SKOR1: variants seen among roughly 807,000 people sequenced by gnomAD.
SKOR1 encodes LBX1 corepressor 1.
SKOR1 carries 38 observed loss-of-function variants against 72.4 expected under a neutral mutation model. The observed-to-expected ratio is 0.52, with a 90% CI of 0.40 to 0.69. SKOR1 has a LOEUF of 0.69. Ranked by LOEUF, SKOR1 falls within the 30% of genes least tolerant of loss-of-function variation. The pLI is 0.00. For synonymous variants in SKOR1, 642 were observed against 599.4 expected (o/e 1.07, Z -1.04); for missense variants, 1,320 against 1,343.2 (o/e 0.98, Z 0.27).
chr15:67,830,044 A>G, intron 3 of SKOR1, 147 bp from the exon 4 acceptor site: 1 of 768,094 alleles, frequency 1.3e-6, no homozygotes, highest in Non-Finnish European at 2.1e-6. Context: ...CCAAAGCCTC[A>G]GGGCGCGCTC....
In SKOR1 at chr15:67,826,310, G is replaced by A. The variant is rs1196630683; in HGVS notation, c.482G>A (p.Arg161His). The change falls in exon 2 of 9, where the codon CGC becomes CAC. Residue 161 changes from arginine to histidine, a missense_variant. Transcript: ENST00000380035. ...ATGATCACTAAGCGAGAGGCCGAACGCCTGTGCAAGTCGTTCCTGGGCGAG... is the reference window on the plus strand; with the variant it reads ...ATGATCACTAAGCGAGAGGCCGAACACCTGTGCAAGTCGTTCCTGGGCGAG... ...CGMITKREAE[R>H]LCKSFLGEHK... The A allele has an allele frequency of 6.2e-7, 1 of 1,613,492 alleles. No homozygotes were observed. Among genetic ancestry groups the A allele is most frequent in the East Asian group, 2.2e-5 (1 of 44,882 alleles).
In SKOR1 at chr15:67,827,105, G is replaced by A. The variant is rs750922585; in HGVS notation, c.1277G>A (p.Gly426Glu). 4.2e-6 allele frequency: 6 copies of A among 1,440,374 alleles called. No individual in the cohort carries two copies. The Admixed American group carries it at 1.6e-4, about 38-fold the overall frequency. The allele number at this position is 1,440,374 out of a possible 1,614,324, so 89.2% of individuals were successfully genotyped here. A position where few individuals can be genotyped will look rare whatever the true frequency, so the allele number is the denominator to read the frequency against. ...AGEPKGGPGT[G>E]SGGGGAGTGG... The stretch of plus-strand genomic sequence containing the variant: ...GAGCCAAAGGGCGGTCCTGGCACTG[G>A]GAGCGGCGGCGGCGGCGCGGGGACA... The change falls in exon 2 of 9, where the codon GGG becomes GAG. Residue 426 changes from glycine to glutamate, a missense_variant. This residue lies in a region of SKOR1 where 1,099 missense variants were observed against 1,025.5 expected (regional missense o/e 1.07). Transcript: ENST00000380035.
At position 67,833,981 on chromosome 15, in the gene SKOR1, C is replaced by G; in HGVS notation, c.*145C>G. The G allele has an allele frequency of 1.1e-6, 1 of 924,184 alleles. No individual in the cohort carries two copies. The highest frequency in any genetic ancestry group is 1.7e-6 in the Non-Finnish European group (1 of 594,330). 57.2% of individuals were successfully genotyped at this position (924,184 alleles called of 1,614,324 possible). Reference sequence around the variant, plus strand: ...CCCGTCCGCCCGCCTTCCTCCCGGGCTCCCCGGCCTTGCCCGCCCCCTCCC... The same window carrying G: ...CCCGTCCGCCCGCCTTCCTCCCGGGGTCCCCGGCCTTGCCCGCCCCCTCCC... On this transcript the variant is annotated 3_prime_UTR_variant, in exon 9 of 9. Coordinates refer to ENST00000380035, the MANE Select transcript of SKOR1 (RefSeq NM_001365915.1). The surrounding 1 kb of genome is among the most constrained non-coding windows in gnomAD (Gnocchi z 6.0).
At position 67,833,702 on chromosome 15, in the gene SKOR1, G is replaced by T. The variant is rs754960290; in HGVS notation, c.2804-40G>T. The T allele has an allele frequency of 6.9e-6, 11 of 1,600,418 alleles. No homozygotes were observed. The highest frequency in any genetic ancestry group is 4.4e-5 in the South Asian group (4 of 90,806). On this transcript the variant is annotated intron_variant, in intron 8 of 8. Coordinates refer to ENST00000380035, the MANE Select transcript of SKOR1 (RefSeq NM_001365915.1). The surrounding 1 kb of genome is among the most constrained non-coding windows in gnomAD (Gnocchi z 6.0). ...GTGGACTGCGCGGTGAGGTGAGCCT[G>T]GAGAGGCGCCCAGAGTGACCCTCGC... is the stretch of plus-strand genomic sequence containing the variant.
Position 67,826,876 on chromosome 15 carries a change from C to T in SKOR1, c.1048C>T (p.Leu350=). ...ACCCCACCCGCAGCGCGGACTTGGC[C>T]TGGCGACTGGAGCTAGTGGCCCGGC... ...PPPHPQRGLG[L]ATGASGPAGP... The change falls in exon 2 of 9, where the codon CTG becomes TTG. Residue 350 remains leucine, a synonymous_variant. Transcript: ENST00000380035. The T allele has an allele frequency of 1.9e-6, 3 of 1,540,594 alleles. No individual in the cohort carries two copies. Among genetic ancestry groups the T allele is most frequent in the South Asian group, 1.2e-5 (1 of 84,736 alleles).
Position 67,829,608 on chromosome 15 carries a change from G to A in SKOR1, c.2407+339G>A, listed in dbSNP as rs867978001. Among the ~76,000 whole-genome samples the A allele has an allele frequency of 1.3e-5, 2 of 152,348 alleles. 1 individual carries two copies. The highest frequency in any genetic ancestry group is 2.9e-5 in the Non-Finnish European group (2 of 68,030). ...TGTGTTTGGCCGCGGGGTCCCCTTTGGCTAGGCCGGATCGGGGCGGAGGAT... is the reference window on the plus strand; with the variant it reads ...TGTGTTTGGCCGCGGGGTCCCCTTTAGCTAGGCCGGATCGGGGCGGAGGAT... On this transcript the variant is annotated intron_variant, in intron 3 of 8. Transcript: ENST00000380035.
At position 67,833,770 on chromosome 15, in the gene SKOR1, C is replaced by G; in HGVS notation, c.2832C>G (p.Ser944=). 6.2e-7 allele frequency: 1 copy of G among 1,613,564 alleles called. No homozygotes were observed. The change falls in exon 9 of 9, where the codon TCC becomes TCG. Residue 944 remains serine (S), a synonymous_variant. Transcript: ENST00000380035. This position sits in a 1 kb window ranked among gnomAD's most constrained non-coding sequence, Gnocchi z 6.0. ...KEAHDALHHF[S]CKMLTPRHCT... ...CCCACGACGCCCTGCACCATTTCTC[C>G]TGCAAGATGCTGACGCCCCGCCACT...
chr15:67,830,800 C>T lies in SKOR1; in HGVS notation c.2516-18C>T, dbSNP rs764100091. On this transcript the variant is annotated intron_variant, in intron 4 of 8. Transcript: ENST00000380035. The stretch of plus-strand genomic sequence containing the variant: ...CTTTCCTAGGACAGAACCCCTCTTA[C>T]CTGCCCCTGTATCCCAGGCGAAGAT... 1.9e-6 allele frequency: 3 copies of T among 1,613,852 alleles called. No individual in the cohort carries two copies. In the African/African-American group the frequency reaches 4.0e-5, roughly 22 times the overall value.
In SKOR1 at chr15:67,832,780, G is replaced by A; in HGVS notation, c.2737+99G>A. On this transcript the variant is annotated intron_variant, in intron 7 of 8. Coordinates refer to ENST00000380035, the MANE Select transcript of SKOR1 (RefSeq NM_001365915.1). This position sits in a 1 kb window ranked among gnomAD's most constrained non-coding sequence, Gnocchi z 4.5. The stretch of plus-strand genomic sequence containing the variant: ...TCAGTCATTTGGATTTAAATTGAAG[G>A]TAATTTAACAATTATTTTTTTATTT... 1 of 973,674 alleles carries A rather than the reference G, an allele frequency of 1.0e-6. No homozygotes were observed. The highest frequency in any genetic ancestry group is 1.4e-5 in the South Asian group (1 of 70,522). The allele number at this position is 973,674 out of a possible 1,614,324, so 60.3% of individuals were successfully genotyped here.
rs750510145 is a variant in SKOR1, at chr15:67,827,513, T to C, written c.1685T>C (p.Leu562Pro). The C allele has an allele frequency of 9.2e-6, 14 of 1,523,142 alleles. No homozygotes were observed. The highest frequency in any genetic ancestry group is 4.8e-5 in the South Asian group (4 of 83,046). 94.4% of individuals were successfully genotyped at this position (1,523,142 alleles called of 1,614,324 possible). Residue 562 changes from leucine (L) to proline (P), a missense_variant, in exon 2 of 9, where the codon CTG (leucine) becomes CCG (proline). By Grantham distance (98) the Leu-to-Pro change is moderately conservative. This residue lies in a region of SKOR1 where 1,099 missense variants were observed against 1,025.5 expected (regional missense o/e 1.07). Coordinates refer to ENST00000380035, the MANE Select transcript of SKOR1 (RefSeq NM_001365915.1). Reference protein sequence around the residue: ...RCPSALSRGPLDEDGTDEALP... With the variant: ...RCPSALSRGPPDEDGTDEALP... ...CCGAGCGCTCTGTCCCGCGGGCCCC[T>C]GGACGAAGACGGCACGGACGAGGCG...
chr15:67,831,472 C>A (rs926927869), intron 5 of SKOR1, among the ~76,000 whole-genome samples: 3 of 152,114 alleles, frequency 2.0e-5, no homozygotes, highest in Non-Finnish European at 4.4e-5. Flanking sequence ...GAGTCCCTAG[C>A]CCCACTTTGC....
chr15:67,832,727 C>G lies in SKOR1; in HGVS notation c.2737+46C>G. ...GCTCGTGCACGGGCCGTAACTGCCT[C>G]TCGTCTGGCAGGAGCCGCAATGTTG... On this transcript the variant is annotated intron_variant, in intron 7 of 8. Transcript: ENST00000380035. The surrounding 1 kb of genome is among the most constrained non-coding windows in gnomAD (Gnocchi z 4.5). 1 of 1,516,134 alleles carries G rather than the reference C, an allele frequency of 6.6e-7. No individual in the cohort carries two copies. 93.9% of individuals were successfully genotyped at this position (1,516,134 alleles called of 1,614,324 possible).
In SKOR1 at chr15:67,826,224, G is replaced by C. The variant is rs1267117055; in HGVS notation, c.396G>C (p.Pro132=). ...GCATCACGTGCGTGCAGTGCACGCC[G>C]GTACAGCTGGAGATTCTGCGTCGGG... ...ALGITCVQCT[P]VQLEILRRAG... Residue 132 remains proline (P), a synonymous_variant, in exon 2 of 9, where the codon CCG becomes CCC. Transcript: ENST00000380035. 9 of 1,613,038 alleles carry C rather than the reference G, an allele frequency of 5.6e-6. No homozygotes were observed. In the Admixed American group the frequency reaches 6.7e-5, roughly 12 times the overall value.
intron 3 of SKOR1, among the ~76,000 whole-genome samples, chr15:67,829,818 C>T (rs1270951095): frequency 2.0e-5 from 3 of 152,230 alleles, no homozygotes; most frequent in Admixed American, 1.3e-4. Context: ...CCCCCACCCA[C>T]CCCGAAGGTC....
Position 67,827,755 on chromosome 15 carries a change from A to G in SKOR1, c.1927A>G (p.Ser643Gly), listed in dbSNP as rs1204039498. 1.0e-5 allele frequency: 16 copies of G among 1,551,990 alleles called. No homozygotes were observed. In the African/African-American group the frequency reaches 2.0e-4, roughly 20 times the overall value. ...YVSPDFLSEG[S>G]SSYNSASPDV... Reference sequence around the variant, plus strand: ...GAGCCCGGACTTTCTGAGCGAGGGCAGCTCCAGCTACAATTCCGCCTCGCC... The same window carrying G: ...GAGCCCGGACTTTCTGAGCGAGGGCGGCTCCAGCTACAATTCCGCCTCGCC... The change falls in exon 2 of 9, where the codon AGC (serine) becomes GGC (glycine). Residue 643 changes from serine to glycine, a missense_variant. Ser to Gly is a moderately conservative substitution (Grantham distance 56). Transcript: ENST00000380035.
intron 5 of SKOR1, 62 bp downstream of exon 5, chr15:67,830,951 G>A: frequency 3.3e-6 from 5 of 1,520,674 alleles, no homozygotes; most frequent in Non-Finnish European, 4.6e-6. Flanking sequence ...CATTCCTGTA[G>A]AGGGGTGTTA....
chr15:67,827,598 C>G lies in SKOR1; in HGVS notation c.1770C>G (p.Ser590=). 1 of 1,528,806 alleles carries G rather than the reference C, an allele frequency of 6.5e-7. No individual in the cohort carries two copies. The highest frequency in any genetic ancestry group is 8.7e-7 in the Non-Finnish European group (1 of 1,144,322). 94.7% of individuals were successfully genotyped at this position (1,528,806 alleles called of 1,614,324 possible). A position where few individuals can be genotyped will look rare whatever the true frequency, so the allele number is the denominator to read the frequency against. ...CCCCGCCGCCCGCACGCAAAGGCTC[C>G]TACGTGTCGGCCTTCCGGCCGGTGG... ...PPPPPPARKG[S]YVSAFRPVVK... Residue 590 remains serine, a synonymous_variant, in exon 2 of 9, where the codon TCC becomes TCG. Coordinates refer to ENST00000380035, the MANE Select transcript of SKOR1 (RefSeq NM_001365915.1).
In SKOR1 at chr15:67,825,695, C is replaced by G; in HGVS notation, c.93C>G (p.Ala31=). ...QSENGIGFLA[A]RAFLRSGGME... is the part of the protein sequence containing the mutation. ...AAAACGGGATTGGGTTCCTTGCAGCCCGGGCATTCCTGAGGTCTCCTTTAC... is the reference window on the plus strand; with the variant it reads ...AAAACGGGATTGGGTTCCTTGCAGCGCGGGCATTCCTGAGGTCTCCTTTAC... The change falls in exon 1 of 9, where the codon GCC becomes GCG. Residue 31 remains alanine, a synonymous_variant. Coordinates refer to ENST00000380035, the MANE Select transcript of SKOR1 (RefSeq NM_001365915.1). This position sits in a 1 kb window ranked among gnomAD's most constrained non-coding sequence, Gnocchi z 5.6. 1.3e-6 allele frequency: 1 copy of G among 746,994 alleles called. No individual in the cohort carries two copies. The highest frequency in any genetic ancestry group is 2.4e-6 in the Non-Finnish European group (1 of 411,182). 46.3% of individuals were successfully genotyped at this position (746,994 alleles called of 1,614,324 possible).
Position 67,833,131 on chromosome 15 carries a change from G to A in SKOR1, c.2738-61G>A, listed in dbSNP as rs1195392098. 6.3e-7 allele frequency: 1 copy of A among 1,576,940 alleles called. No individual in the cohort carries two copies. Among genetic ancestry groups the A allele is most frequent in the Non-Finnish European group, 8.7e-7 (1 of 1,148,224 alleles). The stretch of plus-strand genomic sequence containing the variant: ...GGGGAGAGGAGGAAGCCCGGGCTGT[G>A]ACCCCGGCCTTTCGGAGGGTGGTCT... On this transcript the variant is annotated intron_variant, in intron 7 of 8. Transcript: ENST00000380035. This position sits in a 1 kb window ranked among gnomAD's most constrained non-coding sequence, Gnocchi z 6.0.
Sources: allele counts gnomAD v4.1 joint callset (sites outside exome capture counted in the v4.1 genomes callset), GRCh38; gene constraint gnomAD v4.1.1; regional missense constraint gnomAD v4.1.1; non-coding constraint Gnocchi (gnomAD v3.1); transcripts MANE v1.5; gene names NCBI Gene and HGNC (gene_info 2026-07-23, HGNC 2026-07-21).